Variants in NALF1 observed in about 807,000 individuals in gnomAD.
NALF1 encodes family with sequence similarity 155 member A.
A neutral mutation model predicts 48.4 loss-of-function variants in NALF1; 3 were observed. The observed-to-expected ratio is 0.06, with a 90% CI of 0.03 to 0.16. The LOEUF is 0.16. Ranked by LOEUF, NALF1 falls within the 10% of genes least tolerant of loss-of-function variation. The pLI is 1.00. For synonymous variants in NALF1, 262 were observed against 245.7 expected, an observed-to-expected ratio of 1.07 and a Z score of -0.62; for missense variants, 526 against 571.5, an observed-to-expected ratio of 0.92 and a Z score of 0.81.
chr13:107,508,827 A>T (rs1875785263), intron 1 of NALF1, among the ~76,000 whole-genome samples: 1 of 151,984 alleles, frequency 6.6e-6, no homozygotes, highest in Admixed American at 6.6e-5. Context: ...GGGCCAAACC[A>T]ATCTTTCACT....
chr13:107,824,830 T>C (rs983481480), intron 1 of NALF1, among the ~76,000 whole-genome samples: 1 of 152,192 alleles, frequency 6.6e-6, no homozygotes, highest in Non-Finnish European at 1.5e-5. Flanking sequence ...CATCGCTGCG[T>C]AGTCATAAAT....
At position 107,166,562 on chromosome 13, in the gene NALF1, G is replaced by T. The variant is rs556032265; in HGVS notation, c.*3935C>A. 6.6e-6 allele frequency: 1 copy of T among 152,216 alleles called. No homozygotes were observed. Among genetic ancestry groups the T allele is most frequent in the South Asian group, 2.1e-4 (1 of 4,834 alleles). The allele number at this position is 152,216 out of a possible 1,614,324, so 9.4% of individuals were successfully genotyped here. ...TGTAAATGTCTTTGTTACTGAGAAA[G>T]AATGTAAATCATGCTTCAGACTGGT... On this transcript the variant is annotated 3_prime_UTR_variant, in exon 3 of 3. Transcript: ENST00000375915.
intron 1 of NALF1, among the ~76,000 whole-genome samples, chr13:107,711,613 C>T (rs1441795257): frequency 6.6e-6 from 1 of 152,176 alleles, no homozygotes; most frequent in Non-Finnish European, 1.5e-5. Flanking sequence ...AAGAACCAGT[C>T]AGTTATATAA....
chr13:107,470,416 C>G (rs1397137106), intron 1 of NALF1, among the ~76,000 whole-genome samples: 2 of 152,178 alleles, frequency 1.3e-5, no homozygotes, highest in African/African-American at 4.8e-5. Flanking sequence ...TGGCTACAGA[C>G]AGTCAGACAC....
At chr13:107,371,615 C>G (rs1466523018) in intron 1 of NALF1, among the ~76,000 whole-genome samples, 2 of 152,134 alleles carry the variant, frequency 1.3e-5, no homozygotes, top group African/African-American at 4.8e-5. Flanking sequence ...CAAAGAGACT[C>G]TTTCAACAAA....
At chr13:107,651,522 G>T (rs527616653) in intron 1 of NALF1, among the ~76,000 whole-genome samples, 2 of 152,298 alleles carry the variant, frequency 1.3e-5, no homozygotes, top group South Asian at 4.1e-4. Context: ...AGATCATAAT[G>T]CTGTTGCAAT....
intron 1 of NALF1, among the ~76,000 whole-genome samples, chr13:107,236,663 A>ATCTGTCTG (rs199721704): frequency 7.2e-6 from 1 of 138,024 alleles, no homozygotes; most frequent in Non-Finnish European, 1.6e-5. Context: ...CTATCTATCC[A>ATCTGTCTG]TCTGTCTGTC....
At chr13:107,728,380 C>A (rs1297592162) in intron 1 of NALF1, among the ~76,000 whole-genome samples, 1 of 152,134 alleles carries the variant, frequency 6.6e-6, no homozygotes, top group East Asian at 1.9e-4. Context: ...ATGTTCATTG[C>A]AGGGACATGG....
intron 1 of NALF1, among the ~76,000 whole-genome samples, chr13:107,594,533 G>A (rs900233165): frequency 5.2e-4 from 79 of 151,808 alleles, no homozygotes; most frequent in African/African-American, 1.8e-3. Flanking sequence ...TAATCAGTGT[G>A]GCATATTATC....
At chr13:107,834,046 CATA>C (rs1432583013) in intron 1 of NALF1, among the ~76,000 whole-genome samples, 2 of 151,916 alleles carry the variant, frequency 1.3e-5, no homozygotes, top group African/African-American at 4.8e-5. Context: ...TGATAGTAAT[CATA>C]ATAATAAATA....
At chr13:107,556,779 T>C (rs1877496688) in intron 1 of NALF1, among the ~76,000 whole-genome samples, 1 of 152,138 alleles carries the variant, frequency 6.6e-6, no homozygotes, top group Admixed American at 6.5e-5. Context: ...TCTGTTTTAT[T>C]GTTCAATAGT....
chr13:107,582,374 A>C (rs1010433763), intron 1 of NALF1, among the ~76,000 whole-genome samples: 1 of 152,232 alleles, frequency 6.6e-6, no homozygotes, highest in Non-Finnish European at 1.5e-5. Flanking sequence ...CACGTGTTAC[A>C]GAAGTGCCAC....
At chr13:107,716,057 G>T (rs1432027327) in intron 1 of NALF1, among the ~76,000 whole-genome samples, 3 of 152,074 alleles carry the variant, frequency 2.0e-5, no homozygotes, top group Non-Finnish European at 4.4e-5. Flanking sequence ...TAAACTTAGG[G>T]TGTCCATCTC....
At chr13:107,753,290 T>G (rs1876991272) in intron 1 of NALF1, among the ~76,000 whole-genome samples, 2 of 152,222 alleles carry the variant, frequency 1.3e-5, no homozygotes, top group South Asian at 4.1e-4. Context: ...AACTGGTTTA[T>G]GATGAGAGGT....
chr13:107,370,925 T>G (rs1006761423), intron 1 of NALF1, among the ~76,000 whole-genome samples: 1 of 152,152 alleles, frequency 6.6e-6, no homozygotes, highest in South Asian at 2.1e-4. Flanking sequence ...TTGCTCATTC[T>G]CAAGAGGACA....
intron 1 of NALF1, among the ~76,000 whole-genome samples, chr13:107,827,974 G>T (rs897068452): frequency 6.6e-6 from 1 of 152,144 alleles, no homozygotes; most frequent in South Asian, 2.1e-4. Flanking sequence ...AACTGCAGCC[G>T]TCAGCGGTAG....
At chr13:107,293,041 C>G (rs1162811291) in intron 1 of NALF1, among the ~76,000 whole-genome samples, 3 of 138,434 alleles carry the variant, frequency 2.2e-5, no homozygotes, top group African/African-American at 8.2e-5. Context: ...AGTGCAGTGG[C>G]ACGATCTCAG....
chr13:107,462,493 T>G (rs1884935444), intron 1 of NALF1, among the ~76,000 whole-genome samples: 1 of 151,902 alleles, frequency 6.6e-6, no homozygotes, highest in African/African-American at 2.4e-5. Flanking sequence ...ATAAAAGAAA[T>G]GGGTATGTGA....
intron 1 of NALF1, among the ~76,000 whole-genome samples, chr13:107,491,053 A>G (rs1427571520): frequency 6.6e-6 from 1 of 152,206 alleles, no homozygotes; most frequent in Non-Finnish European, 1.5e-5. Context: ...AAGTCTAACA[A>G]GCCTGTGGAT....
Sources: gnomAD v4.1 joint callset for allele counts (sites outside exome capture counted in the v4.1 genomes callset) on GRCh38, gnomAD v4.1.1 for gene constraint, MANE v1.5 for transcripts, NCBI Gene and HGNC (gene_info 2026-07-23, HGNC 2026-07-21) for gene names.